STK35: variants seen among roughly 807,000 people sequenced by gnomAD.
STK35 encodes serine/threonine kinase 35.
In STK35, 17 loss-of-function variants were observed where a neutral mutation model predicts 37.3. The ratio of observed to expected loss-of-function variants is 0.46; its 90% CI spans 0.31 to 0.68. STK35 has a LOEUF of 0.68. STK35 is among the 30% of genes least tolerant of loss of function. The pLI is 0.05. For synonymous variants in STK35, 385 were observed against 319.1 expected (o/e 1.21, Z -2.20); for missense variants, 595 against 746.7 (o/e 0.80, Z 2.37).
chr20:2,103,353 A>G lies in STK35; in HGVS notation c.880A>G (p.Thr294Ala). 6.2e-7 allele frequency: 1 copy of G among 1,610,648 alleles called. No homozygotes were observed. The highest frequency in any genetic ancestry group is 8.5e-7 in the Non-Finnish European group (1 of 1,178,294). ...SSQLYLRLVETSLKGERILGY... is the reference protein window; with the variant it reads ...SSQLYLRLVEASLKGERILGY... ...GCAGCTTTACCTGCGCCTGGTGGAG[A>G]CCTCGCTGAAAGGTAGGAGCACCGC... Residue 294 changes from threonine to alanine, a missense_variant, in exon 2 of 4, where the codon ACC (threonine) becomes GCC (alanine). Thr to Ala is a moderately conservative substitution (Grantham distance 58, BLOSUM62 0). This residue lies in a region of STK35 where 97 missense variants were observed against 146.4 expected (regional missense o/e 0.66). Coordinates refer to ENST00000381482, the MANE Select transcript of STK35 (RefSeq NM_080836.4).
intron 3 of STK35, among the ~76,000 whole-genome samples, chr20:2,130,579 T>C (rs1270757706): frequency 1.3e-5 from 2 of 152,188 alleles, no homozygotes; most frequent in Non-Finnish European, 2.9e-5. Context: ...GGCATCTCGC[T>C]CTCTCTTTAT....
intron 3 of STK35, among the ~76,000 whole-genome samples, chr20:2,124,775 C>G (rs1262720819): frequency 6.6e-6 from 1 of 152,142 alleles, no homozygotes; most frequent in Non-Finnish European, 1.5e-5. Flanking sequence ...TACCTGTATA[C>G]AAAGAGACAT....
chr20:2,129,793 G>T (rs1418237776), intron 3 of STK35, among the ~76,000 whole-genome samples: 1 of 152,086 alleles, frequency 6.6e-6, no homozygotes, highest in African/African-American at 2.4e-5. Context: ...AGACCTGAAG[G>T]ATGAGGCCTC....
chr20:2,109,676 A>G (rs1366114736), intron 2 of STK35, among the ~76,000 whole-genome samples: 1 of 152,238 alleles, frequency 6.6e-6, no homozygotes, highest in Non-Finnish European at 1.5e-5. Flanking sequence ...AGACATTAGC[A>G]TAATTCACAC....
chr20:2,102,462 T>G (rs967438466), intron 1 of STK35, among the ~76,000 whole-genome samples: 3 of 152,178 alleles, frequency 2.0e-5, no homozygotes, highest in African/African-American at 7.2e-5. Flanking sequence ...GCCGGCCAAA[T>G]CGCGTCTCTA....
intron 2 of STK35, among the ~76,000 whole-genome samples, chr20:2,115,704 G>A (rs1435834067): frequency 3.3e-5 from 5 of 152,112 alleles, no homozygotes; most frequent in East Asian, 1.9e-4. Context: ...CTTGTACATC[G>A]ACTTTAGACT....
At chr20:2,119,636 T>C (rs902901410) in intron 3 of STK35, among the ~76,000 whole-genome samples, 1 of 152,228 alleles carries the variant, frequency 6.6e-6, no homozygotes, top group African/African-American at 2.4e-5. Flanking sequence ...GATGGGTATA[T>C]CTTATTCAAG....
rs758171777 is a variant in STK35, at chr20:2,117,634, G to A, written c.*37+219G>A. Among the ~76,000 whole-genome samples, 7 of 152,070 alleles carry A rather than the reference G, an allele frequency of 4.6e-5. No individual in the cohort carries two copies. The highest frequency in any genetic ancestry group is 7.4e-5 in the Non-Finnish European group (5 of 68,020). On this transcript the variant is annotated intron_variant, in intron 3 of 3. Coordinates refer to ENST00000381482, the MANE Select transcript of STK35 (RefSeq NM_080836.4). This position sits in a 1 kb window ranked among gnomAD's most constrained non-coding sequence, Gnocchi z 4.4. ...TAATTTTTGTATTTTTAGTAGAGACGGAGTTTCACCATGTTGGCTAGGCTG... is the reference window on the plus strand; with the variant it reads ...TAATTTTTGTATTTTTAGTAGAGACAGAGTTTCACCATGTTGGCTAGGCTG...
At chr20:2,120,830 C>T (rs762900561) in intron 3 of STK35, among the ~76,000 whole-genome samples, 24 of 151,588 alleles carry the variant, frequency 1.6e-4, no homozygotes, top group Admixed American at 4.6e-4. Context: ...AGAAAGTGCT[C>T]GGTGCTGGGT....
intron 3 of STK35, among the ~76,000 whole-genome samples, chr20:2,143,289 C>G (rs1312819972): frequency 6.6e-6 from 1 of 152,200 alleles, no homozygotes. Flanking sequence ...TCTCAGAGGC[C>G]TGAGCTTCAC....
chr20:2,126,285 A>C (rs897666475), intron 3 of STK35, among the ~76,000 whole-genome samples: 2 of 152,194 alleles, frequency 1.3e-5, no homozygotes, highest in African/African-American at 4.8e-5. Flanking sequence ...CTAGGAACTT[A>C]GTTTAATAAT....
At chr20:2,112,388 G>A (rs1363946404) in intron 2 of STK35, among the ~76,000 whole-genome samples, 1 of 152,172 alleles carries the variant, frequency 6.6e-6, no homozygotes, top group Non-Finnish European at 1.5e-5. Context: ...TCTCCCTGTG[G>A]ACTGTGGCAT....
intron 2 of STK35, among the ~76,000 whole-genome samples, chr20:2,106,705 G>A (rs1386064602): frequency 1.3e-5 from 2 of 152,208 alleles, no homozygotes; most frequent in African/African-American, 2.4e-5. Context: ...ATCCAGTATC[G>A]AAAAGAGAAA....
At chr20:2,114,528 G>A (rs767689648) in intron 2 of STK35, among the ~76,000 whole-genome samples, 2 of 152,162 alleles carry the variant, frequency 1.3e-5, no homozygotes, top group African/African-American at 2.4e-5. Context: ...TACTGGGTGT[G>A]ATTCTGAGAA....
intron 3 of STK35, among the ~76,000 whole-genome samples, chr20:2,126,128 C>G (rs1985900993): frequency 6.6e-6 from 1 of 152,210 alleles, no homozygotes. Flanking sequence ...CTGACTTAAG[C>G]AAGGGATTCC....
In STK35 at chr20:2,102,909, C is replaced by G. The variant is rs376078164; in HGVS notation, c.436C>G (p.Gln146Glu). ...TGKDGARRGT[Q>E]SPERKRRSPV... ...GAAGGACGGCGCCCGCAGAGGTACA[C>G]AAAGCCCGGAGCGGAAAAGGCGAAG... is the stretch of plus-strand genomic sequence containing the variant. Residue 146 changes from glutamine (Q) to glutamate (E), a missense_variant, in exon 2 of 4, where the codon CAA becomes GAA. Physicochemically the swap from Gln to Glu is conservative, Grantham distance 29. Coordinates refer to ENST00000381482, the MANE Select transcript of STK35 (RefSeq NM_080836.4). The G allele has an allele frequency of 8.5e-5, 132 of 1,561,486 alleles. No individual in the cohort carries two copies. Among genetic ancestry groups the G allele is most frequent in the South Asian group, 1.3e-4 (11 of 86,494 alleles).
intron 3 of STK35, among the ~76,000 whole-genome samples, chr20:2,133,270 G>A (rs1015916016): frequency 1.3e-5 from 2 of 152,164 alleles, no homozygotes; most frequent in Admixed American, 6.5e-5. Context: ...TGGCACCTTA[G>A]CATCTTCCTC....
intron 3 of STK35, among the ~76,000 whole-genome samples, chr20:2,132,951 G>T (rs1252002934): frequency 6.6e-6 from 1 of 152,192 alleles, no homozygotes; most frequent in African/African-American, 2.4e-5. Flanking sequence ...TGAGTCAGTG[G>T]TGGCTCTGTG....
intron 3 of STK35, among the ~76,000 whole-genome samples, chr20:2,124,552 A>G (rs1371351026): frequency 6.6e-6 from 1 of 152,146 alleles, no homozygotes; most frequent in African/African-American, 2.4e-5. Flanking sequence ...ATGATGATCA[A>G]TTCTTTAATC....
Sources: gnomAD v4.1 joint callset for allele counts (sites outside exome capture counted in the v4.1 genomes callset) on GRCh38, gnomAD v4.1.1 for gene constraint, gnomAD v4.1.1 regional missense constraint, Gnocchi (gnomAD v3.1) non-coding constraint, MANE v1.5 for transcripts, NCBI Gene and HGNC (gene_info 2026-07-23, HGNC 2026-07-21) for gene names.